The following AKR1C8 variants were observed in gnomAD, a reference collection of about 807,000 sequenced individuals.
The protein encoded by AKR1C8 is aldo-keto reductase family 1 member C8.
the AKR1C8 span, among the ~76,000 whole-genome samples, chr10:5,138,951 T>C: frequency 1.3e-5 from 2 of 152,162 alleles, no homozygotes; most frequent in Non-Finnish European, 2.9e-5. Context: ...GATAAGCAAC[T>C]TCAGCAAAGT....
the AKR1C8 span, among the ~76,000 whole-genome samples, chr10:5,136,191 T>A: frequency 6.6e-6 from 1 of 152,192 alleles, no homozygotes; most frequent in Non-Finnish European, 1.5e-5. Flanking sequence ...TTACAATAAA[T>A]TGGTGAATAA....
the AKR1C8 span, chr10:5,155,613 T>A: frequency 2.5e-6 from 1 of 395,172 alleles, no homozygotes; most frequent in South Asian, 2.0e-5. Context: ...GGAAGATGTG[T>A]TCCCCATTTC....
the AKR1C8 span, among the ~76,000 whole-genome samples, chr10:5,143,524 G>A: frequency 6.6e-6 from 1 of 152,022 alleles, no homozygotes; most frequent in Non-Finnish European, 1.5e-5. Flanking sequence ...TTTGAAAGGT[G>A]CTTGGTAGCG....
At chr10:5,121,964 G>A in the AKR1C8 span, 1 of 214,160 alleles carries the variant, frequency 4.7e-6, no homozygotes, top group Non-Finnish European at 9.6e-6. Context: ...GGGCTACAGT[G>A]AATCTCCTGT....
At chr10:5,133,950 A>G in the AKR1C8 span, among the ~76,000 whole-genome samples, 1 of 152,216 alleles carries the variant, frequency 6.6e-6, no homozygotes, top group African/African-American at 2.4e-5. Flanking sequence ...TTAGTCTTAA[A>G]AAATAAGGAC....
chr10:5,125,197 A>G, the AKR1C8 span, among the ~76,000 whole-genome samples: 2 of 152,016 alleles, frequency 1.3e-5, no homozygotes, highest in African/African-American at 2.4e-5. Flanking sequence ...GGTATCATTA[A>G]TTTTTTTCAT....
the AKR1C8 span, among the ~76,000 whole-genome samples, chr10:5,166,314 G>T: frequency 6.6e-6 from 1 of 152,268 alleles, no homozygotes; most frequent in Non-Finnish European, 1.5e-5. Flanking sequence ...AACCAAAAAA[G>T]AGCCTGCATT....
At chr10:5,125,635 T>C in the AKR1C8 span, among the ~76,000 whole-genome samples, 1 of 152,188 alleles carries the variant, frequency 6.6e-6, no homozygotes, top group East Asian at 1.9e-4. Flanking sequence ...TGCAACTACC[T>C]GACTAACAAG....
the AKR1C8 span, among the ~76,000 whole-genome samples, chr10:5,126,291 C>A: frequency 6.6e-6 from 1 of 152,138 alleles, no homozygotes; most frequent in Non-Finnish European, 1.5e-5. Flanking sequence ...GGAGCACTCC[C>A]CAGGTTCAGG....
the AKR1C8 span, among the ~76,000 whole-genome samples, chr10:5,148,875 G>C: frequency 1.3e-5 from 2 of 151,912 alleles, no homozygotes. Context: ...TGTCATACCA[G>C]GAAGTCTAAT....
chr10:5,181,992 A>G, the AKR1C8 span, among the ~76,000 whole-genome samples: 1 of 152,206 alleles, frequency 6.6e-6, no homozygotes, highest in Non-Finnish European at 1.5e-5. Context: ...AAAATAGACT[A>G]ATAGAAAACT....
At chr10:5,176,642 CTT>C in the AKR1C8 span, among the ~76,000 whole-genome samples, 1 of 152,040 alleles carries the variant, frequency 6.6e-6, no homozygotes, top group Non-Finnish European at 1.5e-5. Flanking sequence ...TTTGTATCCT[CTT>C]TTATTTCCTT....
the AKR1C8 span, among the ~76,000 whole-genome samples, chr10:5,141,364 T>A: frequency 6.6e-6 from 1 of 152,144 alleles, no homozygotes; most frequent in Non-Finnish European, 1.5e-5. Context: ...AAATCATCCA[T>A]GAGAGTTGTA....
At chr10:5,163,960 T>C in the AKR1C8 span, among the ~76,000 whole-genome samples, 1 of 152,000 alleles carries the variant, frequency 6.6e-6, no homozygotes, top group Non-Finnish European at 1.5e-5. Flanking sequence ...ACCAACAGGC[T>C]TCTAGAAAGT....
At chr10:5,131,681 A>G in the AKR1C8 span, among the ~76,000 whole-genome samples, 1 of 152,072 alleles carries the variant, frequency 6.6e-6, no homozygotes, top group Non-Finnish European at 1.5e-5. Flanking sequence ...TAAAAAAAAA[A>G]ACAAAAACAG....
At chr10:5,173,646 A>G in the AKR1C8 span, among the ~76,000 whole-genome samples, 2 of 105,242 alleles carry the variant, frequency 1.9e-5, no homozygotes, top group Admixed American at 1.8e-4. Flanking sequence ...TAACAAAACG[A>G]TTAAAAAAAA....
chr10:5,159,940 C>T, the AKR1C8 span: 2 of 498,458 alleles, frequency 4.0e-6, 1 homozygote, highest in Non-Finnish European at 8.3e-6. Context: ...GTTCCAGCAG[C>T]TTGTGATTGA....
chr10:5,134,459 C>T, the AKR1C8 span, among the ~76,000 whole-genome samples: 4 of 152,134 alleles, frequency 2.6e-5, no homozygotes, highest in African/African-American at 9.7e-5. Context: ...CTCCATTTTG[C>T]CTACTTTCAT....
the AKR1C8 span, among the ~76,000 whole-genome samples, chr10:5,177,335 A>G: frequency 4.6e-5 from 7 of 152,062 alleles, no homozygotes; most frequent in Non-Finnish European, 2.9e-5. Context: ...AGCCCACTTG[A>G]TCATGGTGGG....
Sources: allele counts gnomAD v4.1 joint callset (sites outside exome capture counted in the v4.1 genomes callset), GRCh38; gene constraint gnomAD v4.1.1; transcripts MANE v1.5; gene names NCBI Gene and HGNC (gene_info 2026-07-23, HGNC 2026-07-21).